The following CELF2 variants were observed in gnomAD, a reference collection of about 807,000 sequenced individuals.
CELF2 encodes the protein CUGBP Elav-like family member 2.
In CELF2, 8 loss-of-function variants were observed where a neutral mutation model predicts 62.6. That is an observed-to-expected ratio of 0.13 (90% confidence interval 0.07 to 0.23). The LOEUF is 0.23. Ranked by LOEUF, CELF2 falls within the 10% of genes least tolerant of loss-of-function variation. The probability of loss-of-function intolerance (pLI) is 1.00; values close to 1 mark genes in which losing one functional copy is unlikely to be tolerated. For missense variants in CELF2, 333 were observed against 671.0 expected (o/e 0.50, Z 5.56); for synonymous variants, 258 against 250.0 (o/e 1.03, Z -0.30).
intron 2 of CELF2, among the ~76,000 whole-genome samples, chr10:10,956,935 TAAAAAAAAA>T (rs777089169): frequency 7.1e-6 from 1 of 141,636 alleles, no homozygotes; most frequent in Non-Finnish European, 1.6e-5. Context: ...CACCGTCTCT[TAAAAAAAAA>T]AAAAGAAAAA....
chr10:11,290,368 G>T lies in CELF2; in HGVS notation c.976+1816G>T, dbSNP rs180888672. Among the ~76,000 whole-genome samples the T allele has an allele frequency of 6.6e-6, 1 of 152,290 alleles. No individual in the cohort carries two copies. Among genetic ancestry groups the T allele is most frequent in the East Asian group, 1.9e-4 (1 of 5,186 alleles). On this transcript the variant is annotated intron_variant, in intron 9 of 12. Coordinates refer to ENST00000633077, the MANE Select transcript of CELF2 (RefSeq NM_001326342.2). The surrounding 1 kb of genome is among the most constrained non-coding windows in gnomAD (Gnocchi z 4.3). ...CGTGTTGAGGCAGAGGACAGAGCCA[G>T]TGGGTGGGGGAGAGCGGAGTGGGGG...
At chr10:11,172,257 A>T (rs1191746122) in intron 2 of CELF2, among the ~76,000 whole-genome samples, 1 of 152,200 alleles carries the variant, frequency 6.6e-6, no homozygotes, top group Non-Finnish European at 1.5e-5. Context: ...TTACTGTGAC[A>T]TCCTTTCATT....
the CELF2 span, among the ~76,000 whole-genome samples, chr10:10,541,451 G>A: frequency 1.3e-5 from 2 of 152,264 alleles, no homozygotes; most frequent in East Asian, 3.9e-4. Context: ...CTACTCCATA[G>A]GTAGAGCAGC....
intron 1 of CELF2, among the ~76,000 whole-genome samples, chr10:11,099,884 C>CAAAA (rs869282674): frequency 2.1e-5 from 2 of 93,512 alleles, no homozygotes; most frequent in Non-Finnish European, 2.2e-5. Context: ...ACAACAACAA[C>CAAAA]AAAAAAAAAA....
chr10:10,944,863 A>T (rs1000601223), intron 2 of CELF2, among the ~76,000 whole-genome samples: 2 of 152,156 alleles, frequency 1.3e-5, no homozygotes, highest in East Asian at 3.8e-4. Flanking sequence ...TCAGCCTCCC[A>T]AAGTGCTGGA....
intron 1 of CELF2, among the ~76,000 whole-genome samples, chr10:10,864,141 T>A (rs2060212702): frequency 6.6e-6 from 1 of 152,158 alleles, no homozygotes; most frequent in Non-Finnish European, 1.5e-5. Context: ...AAAAATATAT[T>A]ACACATATAC....
intron 2 of CELF2, among the ~76,000 whole-genome samples, chr10:10,924,724 C>CTGTTTTTTTTTTTT (rs2065287083): frequency 1.1e-5 from 1 of 89,146 alleles, no homozygotes; most frequent in African/African-American, 4.7e-5. Flanking sequence ...AACTTGATCG[C>CTGTTTTTTTTTTTT]TTTTTTTTTT....
At chr10:10,877,063 AAAG>A (rs1373416672) in intron 1 of CELF2, among the ~76,000 whole-genome samples, 1 of 152,238 alleles carries the variant, frequency 6.6e-6, no homozygotes, top group African/African-American at 2.4e-5. Flanking sequence ...GGAGGCATCT[AAAG>A]ATGTGGCTCC....
chr10:10,862,212 G>C (rs1382522445), intron 1 of CELF2, among the ~76,000 whole-genome samples: 2 of 152,178 alleles, frequency 1.3e-5, no homozygotes, highest in Non-Finnish European at 2.9e-5. Flanking sequence ...ACCAACCCCA[G>C]TGGCTTAAAA....
intron 8 of CELF2, among the ~76,000 whole-genome samples, chr10:11,284,466 T>TGC (rs2090419160): frequency 1.5e-5 from 2 of 134,796 alleles, no homozygotes; most frequent in African/African-American, 2.9e-5. Context: ...GAGGGATGAG[T>TGC]GTGTGGTGGG....
the CELF2 span, among the ~76,000 whole-genome samples, chr10:10,679,846 C>T: frequency 4.7e-3 from 722 of 152,174 alleles, 4 homozygotes; most frequent in African/African-American, 0.016. Flanking sequence ...CCTTTTTCTC[C>T]TTCAATTTAG....
the CELF2 span, among the ~76,000 whole-genome samples, chr10:10,515,823 A>T: frequency 6.6e-6 from 1 of 152,240 alleles, no homozygotes; most frequent in South Asian, 2.1e-4. Context: ...TATTTTATGG[A>T]TCCTAAGATG....
intron 2 of CELF2, among the ~76,000 whole-genome samples, chr10:10,978,041 G>GTT (rs71511370): frequency 1.4e-5 from 2 of 144,054 alleles, no homozygotes; most frequent in Non-Finnish European, 1.5e-5. Context: ...TTTGTTTTTT[G>GTT]TTTTTTTTTT....
intron 2 of CELF2, among the ~76,000 whole-genome samples, chr10:10,949,733 G>A (rs923769302): frequency 1.3e-5 from 2 of 148,434 alleles, no homozygotes; most frequent in Non-Finnish European, 2.9e-5. Context: ...GCTGGGAGGT[G>A]GAGGTTGCAC....
At chr10:11,204,464 G>T (rs1350423097) in intron 2 of CELF2, among the ~76,000 whole-genome samples, 4 of 152,212 alleles carry the variant, frequency 2.6e-5, no homozygotes, top group African/African-American at 9.6e-5. Flanking sequence ...GGGGAAGGGG[G>T]TGTGAAAATG....
rs2062895080 is a variant in CELF2, at chr10:11,214,887, T to C, written c.272-2538T>C. Among the ~76,000 whole-genome samples, 1 of 152,146 alleles carries C rather than the reference T, an allele frequency of 6.6e-6. No homozygotes were observed. The highest frequency in any genetic ancestry group is 2.4e-5 in the African/African-American group (1 of 41,442). ...GTGGACCTTGGATGAAACTAGAAAG[T>C]ATTTGAGATCTTGGGGATCTTCCCA... On this transcript the variant is annotated intron_variant, in intron 2 of 12. Coordinates refer to ENST00000633077, the MANE Select transcript of CELF2 (RefSeq NM_001326342.2). This position sits in a 1 kb window ranked among gnomAD's most constrained non-coding sequence, Gnocchi z 4.2.
intron 1 of CELF2, among the ~76,000 whole-genome samples, chr10:10,812,415 G>C (rs2056004371): frequency 6.6e-6 from 1 of 152,122 alleles, no homozygotes; most frequent in Non-Finnish European, 1.5e-5. Context: ...GATTTGGGTG[G>C]GGACACAGCC....
chr10:10,494,747 T>C, the CELF2 span, among the ~76,000 whole-genome samples: 1 of 152,194 alleles, frequency 6.6e-6, no homozygotes, highest in Admixed American at 6.5e-5. Flanking sequence ...CTAAATGCCA[T>C]ATTCACTATC....
At chr10:10,838,952 A>G (rs1037514711) in intron 1 of CELF2, among the ~76,000 whole-genome samples, 11 of 152,048 alleles carry the variant, frequency 7.2e-5, no homozygotes, top group Non-Finnish European at 1.6e-4. Context: ...CATCCTGGCT[A>G]ATATGGTGAA....
Sources: gnomAD v4.1 joint callset for allele counts (sites outside exome capture counted in the v4.1 genomes callset) on GRCh38, gnomAD v4.1.1 for gene constraint, Gnocchi (gnomAD v3.1) non-coding constraint, MANE v1.5 for transcripts, NCBI Gene and HGNC (gene_info 2026-07-23, HGNC 2026-07-21) for gene names.